The following ADGRL3 variants were observed in gnomAD, a reference collection of about 807,000 sequenced individuals.
ADGRL3 encodes the protein adhesion G protein-coupled receptor L3.
In ADGRL3, 62 loss-of-function variants were observed where a neutral mutation model predicts 153.5. The observed-to-expected ratio is 0.40, with a 90% CI of 0.33 to 0.50. ADGRL3 has a LOEUF of 0.50. Ranked by LOEUF, ADGRL3 falls within the 20% of genes least tolerant of loss-of-function variation. ADGRL3 has a pLI of 0.47. For synonymous variants in ADGRL3, 710 were observed against 672.5 expected (o/e 1.06, Z -0.86); for missense variants, 1,641 against 1,859.4 (o/e 0.88, Z 2.16).
At chr4:61,668,313 C>G (rs1212760860) in intron 5 of ADGRL3, among the ~76,000 whole-genome samples, 1 of 152,154 alleles carries the variant, frequency 6.6e-6, no homozygotes, top group Non-Finnish European at 1.5e-5. Flanking sequence ...CAGATTTTCC[C>G]CAAAGCTTCC....
At chr4:61,607,654 G>A (rs2099037807) in intron 5 of ADGRL3, among the ~76,000 whole-genome samples, 1 of 152,090 alleles carries the variant, frequency 6.6e-6, no homozygotes, top group Non-Finnish European at 1.5e-5. Context: ...ACCTACAATT[G>A]AAGAAGTCAC....
At chr4:61,788,653 A>G (rs1208113270) in intron 8 of ADGRL3, among the ~76,000 whole-genome samples, 1 of 152,208 alleles carries the variant, frequency 6.6e-6, no homozygotes, top group Non-Finnish European at 1.5e-5. Flanking sequence ...AAAGATCAAA[A>G]AACTCACCAG....
chr4:61,983,338 C>T (rs1170359747), intron 18 of ADGRL3, 45 bp from the exon 19 acceptor site: 2 of 1,481,826 alleles, frequency 1.3e-6, no homozygotes, highest in Admixed American at 1.8e-5. Context: ...TGACTAGTAT[C>T]CCATGTGGTA....
chr4:61,725,543 C>T (rs1406797331), intron 6 of ADGRL3, among the ~76,000 whole-genome samples: 1 of 142,718 alleles, frequency 7.0e-6, no homozygotes, highest in Non-Finnish European at 1.5e-5. Context: ...TGCAGTGAGC[C>T]AAGATTGCGC....
chr4:61,609,505 A>T (rs1032877047), intron 5 of ADGRL3, among the ~76,000 whole-genome samples: 2 of 152,122 alleles, frequency 1.3e-5, no homozygotes, highest in African/African-American at 4.8e-5. Context: ...AGGAGTAAAC[A>T]TGGTTCATGC....
intron 2 of ADGRL3, among the ~76,000 whole-genome samples, chr4:61,477,428 A>ATTTGATC (rs2098078509): frequency 6.6e-6 from 1 of 152,136 alleles, no homozygotes; most frequent in Admixed American, 6.5e-5. Context: ...AAAGCTGACT[A>ATTTGATC]TTTGATCGGT....
At chr4:61,964,174 T>C (rs73823285) in intron 17 of ADGRL3, among the ~76,000 whole-genome samples, 2,350 of 152,270 alleles carry the variant, frequency 0.015, 73 homozygotes, top group African/African-American at 0.053. Flanking sequence ...ACAAATCATC[T>C]GAACTTCTTG....
chr4:61,508,578 T>G (rs185550643), intron 3 of ADGRL3, among the ~76,000 whole-genome samples: 2 of 152,312 alleles, frequency 1.3e-5, no homozygotes, highest in African/African-American at 4.8e-5. Flanking sequence ...TGTTAAGTTA[T>G]TTATTTTTAT....
At chr4:61,708,236 C>T (rs988938786) in intron 6 of ADGRL3, among the ~76,000 whole-genome samples, 10 of 151,982 alleles carry the variant, frequency 6.6e-5, no homozygotes, top group Non-Finnish European at 1.3e-4. Flanking sequence ...TCACTTGGTA[C>T]GGAGAGGGAT....
rs182008829 is a variant in ADGRL3 at position 62,075,372 on chromosome 4, A to G, written c.*4464A>G. The G allele has an allele frequency of 1.7e-4, 26 of 152,262 alleles. No individual in the cohort carries two copies. In the East Asian group the frequency reaches 2.7e-3, roughly 16 times the overall value. The allele number at this position is 152,262 out of a possible 1,614,324, so 9.4% of individuals were successfully genotyped here. On this transcript the variant is annotated 3_prime_UTR_variant, in exon 27 of 27. Coordinates refer to ENST00000683033, the MANE Select transcript of ADGRL3 (RefSeq NM_001387552.1). ...GGCCTGTGATGTATTGCAGAGGGAA[A>G]AAAACCAACACTACAGAAGTATAAT...
intron 21 of ADGRL3, among the ~76,000 whole-genome samples, chr4:62,028,466 A>G (rs1720126319): frequency 6.6e-6 from 1 of 151,744 alleles, no homozygotes; most frequent in African/African-American, 2.4e-5. Flanking sequence ...GAATAAGAAT[A>G]CCTTTAGGTG....
intron 3 of ADGRL3, among the ~76,000 whole-genome samples, 198 bp downstream of exon 3, chr4:61,497,546 C>T (rs576139275): frequency 2.8e-5 from 4 of 142,986 alleles, no homozygotes; most frequent in South Asian, 2.2e-4. Flanking sequence ...GTCAGAGCCT[C>T]GCACTGTCAC....
rs565314375 is a variant in ADGRL3 at position 61,520,566 on chromosome 4, AACTCT to A, written c.259+3052_259+3056del. On this transcript the variant is annotated intron_variant, in intron 4 of 26. Transcript: ENST00000683033. ...TCAGTCCATTTGGAGAATTACATCA[AACTCT>A]ACTATAATCTTTTTTCAAAAAAACT... Among the ~76,000 whole-genome samples, 272 of 152,090 alleles carry A rather than the reference AACTCT, an allele frequency of 1.8e-3. 1 individual carries two copies. The highest frequency in any genetic ancestry group is 6.1e-3 in the African/African-American group (255 of 41,482).
chr4:61,293,874 A>C (rs910436230), intron 1 of ADGRL3, among the ~76,000 whole-genome samples: 8 of 152,154 alleles, frequency 5.3e-5, no homozygotes, highest in Non-Finnish European at 8.8e-5. Flanking sequence ...TCACTCTGCC[A>C]GTTTCTCCAC....
intron 2 of ADGRL3, among the ~76,000 whole-genome samples, chr4:61,422,293 C>G (rs1011939033): frequency 6.6e-6 from 1 of 152,074 alleles, no homozygotes; most frequent in African/African-American, 2.4e-5. Context: ...GAAAGTTAAC[C>G]AACTACAATA....
At chr4:61,561,595 C>T (rs1435983168) in intron 4 of ADGRL3, among the ~76,000 whole-genome samples, 2 of 152,038 alleles carry the variant, frequency 1.3e-5, no homozygotes, top group Non-Finnish European at 2.9e-5. Flanking sequence ...TCTTAAATAT[C>T]TAGCCTTATG....
chr4:61,358,856 T>C (rs971577123), intron 1 of ADGRL3, among the ~76,000 whole-genome samples: 12 of 152,170 alleles, frequency 7.9e-5, no homozygotes, highest in Non-Finnish European at 1.6e-4. Context: ...TGAATGCTTA[T>C]TATTTCCAAA....
chr4:61,455,219 GAGA>G (rs936073231), intron 2 of ADGRL3, among the ~76,000 whole-genome samples: 76 of 152,262 alleles, frequency 5.0e-4, no homozygotes, highest in African/African-American at 1.7e-3. Flanking sequence ...TTGAAGCTGA[GAGA>G]AGATCATATG....
intron 2 of ADGRL3, among the ~76,000 whole-genome samples, chr4:61,456,495 CTATATCTATATA>C (rs2097757392): frequency 5.2e-5 from 4 of 77,276 alleles, no homozygotes; most frequent in Admixed American, 1.9e-4. Context: ...ATAGATATAT[CTATATCTATATA>C]TATATAACTA....
Sources: gnomAD v4.1 joint callset for allele counts (sites outside exome capture counted in the v4.1 genomes callset) on GRCh38, gnomAD v4.1.1 for gene constraint, MANE v1.5 for transcripts, NCBI Gene and HGNC (gene_info 2026-07-23, HGNC 2026-07-21) for gene names.